DCDC1: variants seen among roughly 807,000 people sequenced by gnomAD.
DCDC1 encodes the protein doublecortin domain containing 1, also known as doublecortin domain-containing protein 1.
A neutral mutation model predicts 178.3 loss-of-function variants in DCDC1; 200 were observed. The observed-to-expected ratio is 1.12, with a 90% CI of 1.00 to 1.26. The LOEUF is 1.26. DCDC1 is among the 50% of genes most tolerant of loss of function. The probability of loss-of-function intolerance (pLI) is 0.00; values close to 1 mark genes in which losing one functional copy is unlikely to be tolerated. For synonymous variants in DCDC1, 690 were observed against 604.8 expected (o/e 1.14, Z -2.07); for missense variants, 1,983 against 1,749.2 (o/e 1.13, Z -2.38).
At chr11:31,013,516 T>C (rs930106888) in intron 20 of DCDC1, among the ~76,000 whole-genome samples, 5 of 152,220 alleles carry the variant, frequency 3.3e-5, no homozygotes, top group African/African-American at 1.2e-4. Context: ...ATTTCTTCAT[T>C]GTTTCTAAAA....
chr11:31,355,243 G>A (rs1043577625), intron 1 of DCDC1, among the ~76,000 whole-genome samples: 4 of 152,136 alleles, frequency 2.6e-5, no homozygotes, highest in Non-Finnish European at 5.9e-5. Flanking sequence ...GTCAAGGGAT[G>A]AACTCACTTT....
At chr11:31,194,583 G>A (rs1286786187) in intron 9 of DCDC1, among the ~76,000 whole-genome samples, 1 of 151,590 alleles carries the variant, frequency 6.6e-6, no homozygotes, top group Non-Finnish European at 1.5e-5. Flanking sequence ...TATATTATGA[G>A]CCTTCTTTGT....
At chr11:31,127,444 A>G in intron 11 of DCDC1, 25 bp downstream of exon 11, 1 of 697,804 alleles carries the variant, frequency 1.4e-6, no homozygotes, top group South Asian at 1.5e-5. Flanking sequence ...GCTGAATCCA[A>G]TGAGAGGCAC....
At chr11:30,990,372 T>C (rs577423222) in intron 20 of DCDC1, among the ~76,000 whole-genome samples, 2 of 152,222 alleles carry the variant, frequency 1.3e-5, no homozygotes, top group African/African-American at 4.8e-5. Context: ...CTTGAGACAT[T>C]TGTAGTGTTA....
intron 11 of DCDC1, among the ~76,000 whole-genome samples, chr11:31,120,295 C>A (rs1332305027): frequency 6.6e-6 from 1 of 152,050 alleles, no homozygotes; most frequent in Non-Finnish European, 1.5e-5. Context: ...TTGTTATTAT[C>A]CAGGTTACTA....
intron 9 of DCDC1, among the ~76,000 whole-genome samples, chr11:31,236,317 T>A (rs1169843295): frequency 1.3e-5 from 2 of 152,064 alleles, no homozygotes; most frequent in Non-Finnish European, 2.9e-5. Context: ...TTTATCAACA[T>A]TTTATGTGCC....
rs531656611 is a variant in DCDC1, at chr11:31,107,773, C to T, written c.1588-813G>A. 5.3e-5 allele frequency among the ~76,000 whole-genome samples: 8 copies of T among 152,186 alleles called. No homozygotes were observed. The East Asian group carries it at 1.5e-3, about 29-fold the overall frequency. On this transcript the variant is annotated intron_variant, in intron 12 of 38. Coordinates refer to ENST00000684477, the MANE Select transcript of DCDC1 (RefSeq NM_001387274.1). Reference sequence around the variant, plus strand: ...CTTTGTTTAAGTGTTTCAGCCTTTGCTCTTCCTTGCTCTGCACTCCACCCT... The same window carrying T: ...CTTTGTTTAAGTGTTTCAGCCTTTGTTCTTCCTTGCTCTGCACTCCACCCT...
intron 20 of DCDC1, among the ~76,000 whole-genome samples, chr11:31,000,675 G>T (rs2135021714): frequency 6.6e-6 from 1 of 151,916 alleles, no homozygotes; most frequent in African/African-American, 2.4e-5. Context: ...GTTGGCAGCT[G>T]GTGAGTCAAG....
chr11:30,929,949 A>G (rs527561983), intron 22 of DCDC1, among the ~76,000 whole-genome samples: 1 of 152,178 alleles, frequency 6.6e-6, no homozygotes, highest in Non-Finnish European at 1.5e-5. Context: ...AACCAATAAC[A>G]ACAACAAAAA....
At chr11:30,941,768 T>G (rs2134392800) in intron 21 of DCDC1, among the ~76,000 whole-genome samples, 1 of 152,254 alleles carries the variant, frequency 6.6e-6, no homozygotes, top group South Asian at 2.1e-4. Flanking sequence ...ATCTGAAAAC[T>G]GTGAAGATTA....
intron 9 of DCDC1, among the ~76,000 whole-genome samples, chr11:31,142,011 G>A (rs1963880750): frequency 6.6e-6 from 1 of 152,210 alleles, no homozygotes; most frequent in Non-Finnish European, 1.5e-5. Flanking sequence ...AGCTGCCCCA[G>A]CTTCTCTCAG....
intron 11 of DCDC1, among the ~76,000 whole-genome samples, chr11:31,114,875 G>C (rs1231049702): frequency 6.6e-6 from 1 of 152,098 alleles, no homozygotes; most frequent in Non-Finnish European, 1.5e-5. Flanking sequence ...CCGAAGCCAG[G>C]GTTAACAGTG....
chr11:31,228,077 G>A (rs907048931), intron 9 of DCDC1, among the ~76,000 whole-genome samples: 4 of 151,936 alleles, frequency 2.6e-5, no homozygotes, highest in Admixed American at 2.0e-4. Flanking sequence ...CAGAAGATGT[G>A]AAAAACTCTA....
intron 20 of DCDC1, among the ~76,000 whole-genome samples, chr11:31,064,142 T>A (rs984779810): frequency 1.3e-5 from 2 of 152,194 alleles, no homozygotes; most frequent in Non-Finnish European, 1.5e-5. Context: ...TTCTTCAACA[T>A]AGCTTGGTAT....
At chr11:30,992,784 A>G (rs1951062755) in intron 20 of DCDC1, 1 of 152,218 alleles carries the variant, frequency 6.6e-6, no homozygotes, top group African/African-American at 2.4e-5. Flanking sequence ...AATGTGTAGT[A>G]TTTCAGGAAA....
intron 36 of DCDC1, among the ~76,000 whole-genome samples, chr11:30,881,855 T>C (rs1284377023): frequency 6.6e-6 from 1 of 152,208 alleles, no homozygotes; most frequent in Admixed American, 6.5e-5. Context: ...GAGGCCTTAT[T>C]AAACTTCTCT....
intron 17 of DCDC1, among the ~76,000 whole-genome samples, chr11:31,090,803 C>T (rs111647905): frequency 6.6e-6 from 1 of 151,706 alleles, no homozygotes; most frequent in Non-Finnish European, 1.5e-5. Flanking sequence ...TTGTTTTTTT[C>T]AACACTAAGT....
intron 20 of DCDC1, among the ~76,000 whole-genome samples, chr11:30,994,558 T>C (rs977789331): frequency 4.0e-5 from 6 of 148,480 alleles, no homozygotes; most frequent in Admixed American, 1.4e-4. Context: ...TATGTATATA[T>C]GCCCTTTGTA....
At chr11:31,221,808 T>C (rs1974306546) in intron 9 of DCDC1, among the ~76,000 whole-genome samples, 1 of 152,160 alleles carries the variant, frequency 6.6e-6, no homozygotes, top group Admixed American at 6.5e-5. Context: ...GGCTAAGAAT[T>C]TTCTAAATCT....
Sources: allele counts gnomAD v4.1 joint callset (sites outside exome capture counted in the v4.1 genomes callset), GRCh38; gene constraint gnomAD v4.1.1; transcripts MANE v1.5; gene names NCBI Gene and HGNC (gene_info 2026-07-23, HGNC 2026-07-21).